The following DIP2B variants were observed in gnomAD, a reference collection of about 807,000 sequenced individuals.
DIP2B encodes DIP2 acetate--CoA ligase B (putative).
Under a neutral mutation model 198.0 loss-of-function variants are expected in DIP2B, and 76 were observed. The ratio of observed to expected loss-of-function variants is 0.38; its 90% CI spans 0.32 to 0.46. DIP2B has a LOEUF of 0.46. Ranked by LOEUF, DIP2B falls within the 20% of genes least tolerant of loss-of-function variation. The probability of loss-of-function intolerance (pLI) is 0.99; values close to 1 mark genes in which losing one functional copy is unlikely to be tolerated. For missense variants in DIP2B, 1,559 were observed against 1,978.4 expected (o/e 0.79, Z 4.02); for synonymous variants, 701 against 739.1 (o/e 0.95, Z 0.84).
intron 1 of DIP2B, among the ~76,000 whole-genome samples, chr12:50,554,094 CTA>C (rs1246466038): frequency 3.3e-5 from 5 of 152,132 alleles, no homozygotes; most frequent in Non-Finnish European, 7.3e-5. Flanking sequence ...CTTACCTCTT[CTA>C]CCCAATTTTC....
chr12:50,597,924 A>G (rs1565838852), intron 1 of DIP2B, among the ~76,000 whole-genome samples: 1 of 152,190 alleles, frequency 6.6e-6, no homozygotes, highest in Non-Finnish European at 1.5e-5. Context: ...TCAGTCTTTC[A>G]GATTTCCTTT....
intron 1 of DIP2B, among the ~76,000 whole-genome samples, chr12:50,565,857 GTCCTGTTAAC>G (rs1348009488): frequency 6.6e-6 from 1 of 152,138 alleles, no homozygotes; most frequent in Non-Finnish European, 1.5e-5. Flanking sequence ...CCCCTTTGGG[GTCCTGTTAAC>G]TGCTTAATCT....
At chr12:50,568,305 T>C (rs1856956090) in intron 1 of DIP2B, among the ~76,000 whole-genome samples, 1 of 152,248 alleles carries the variant, frequency 6.6e-6, no homozygotes, top group African/African-American at 2.4e-5. Flanking sequence ...TCCAGCTTTC[T>C]CCTGTTTGGT....
At chr12:50,520,272 G>A (rs1186473136) in intron 1 of DIP2B, among the ~76,000 whole-genome samples, 2 of 151,972 alleles carry the variant, frequency 1.3e-5, no homozygotes, top group African/African-American at 4.8e-5. Context: ...TCGTGACCTC[G>A]TGATCTGCCC....
chr12:50,612,413 T>A (rs1230852085), intron 1 of DIP2B, among the ~76,000 whole-genome samples: 1 of 151,388 alleles, frequency 6.6e-6, no homozygotes, highest in East Asian at 1.9e-4. Context: ...GAATTCTGAG[T>A]ATATTTTTCA....
chr12:50,666,433 A>G (rs1441153960), intron 4 of DIP2B, among the ~76,000 whole-genome samples: 1 of 152,194 alleles, frequency 6.6e-6, no homozygotes, highest in Non-Finnish European at 1.5e-5. Flanking sequence ...ATTATCTCCT[A>G]GAAAGATAGG....
At chr12:50,565,748 A>C (rs1341492608) in intron 1 of DIP2B, among the ~76,000 whole-genome samples, 2 of 152,176 alleles carry the variant, frequency 1.3e-5, no homozygotes, top group Non-Finnish European at 1.5e-5. Context: ...TTAAAAAGTC[A>C]ATGTAGTCCC....
intron 1 of DIP2B, among the ~76,000 whole-genome samples, chr12:50,560,003 A>G (rs1274372791): frequency 6.6e-6 from 1 of 152,056 alleles, no homozygotes; most frequent in Non-Finnish European, 1.5e-5. Context: ...TCAGCCAGGC[A>G]TGGTGGCTCA....
At chr12:50,670,280 C>A (rs757391424) in intron 4 of DIP2B, among the ~76,000 whole-genome samples, 14 of 152,216 alleles carry the variant, frequency 9.2e-5, no homozygotes, top group Non-Finnish European at 1.5e-4. Flanking sequence ...CTTCTCCTGT[C>A]ATGCTTGGAA....
intron 12 of DIP2B, among the ~76,000 whole-genome samples, chr12:50,690,829 C>CT (rs1939211056): frequency 1.3e-5 from 2 of 152,094 alleles, no homozygotes; most frequent in Non-Finnish European, 2.9e-5. Context: ...ACTTTGAAGT[C>CT]TTTTTCACAT....
intron 1 of DIP2B, among the ~76,000 whole-genome samples, chr12:50,598,104 G>A (rs557912514): frequency 1.2e-3 from 181 of 152,144 alleles, no homozygotes; most frequent in African/African-American, 4.0e-3. Context: ...CTTTAATGCC[G>A]TCAAGTCATT....
At chr12:50,631,069 A>G (rs1938042441) in intron 2 of DIP2B, among the ~76,000 whole-genome samples, 1 of 151,754 alleles carries the variant, frequency 6.6e-6, no homozygotes, top group South Asian at 2.1e-4. Context: ...GTTACTATCC[A>G]TTTCTTTACT....
intron 20 of DIP2B, 24 bp downstream of exon 20, chr12:50,704,244 T>G (rs745576344): frequency 6.2e-7 from 1 of 1,601,170 alleles, no homozygotes; most frequent in South Asian, 1.1e-5. Flanking sequence ...TCATGTTGAT[T>G]TTGTTACATT....
chr12:50,674,958 A>G (rs565666673), intron 6 of DIP2B, among the ~76,000 whole-genome samples: 1 of 152,294 alleles, frequency 6.6e-6, no homozygotes, highest in East Asian at 1.9e-4. Context: ...AGGTCAGGAG[A>G]TCGAGACCAT....
chr12:50,609,605 G>C (rs1959014224), intron 1 of DIP2B, among the ~76,000 whole-genome samples: 2 of 152,242 alleles, frequency 1.3e-5, no homozygotes, highest in Admixed American at 6.5e-5. Context: ...TTAAGAGCAA[G>C]ATCTGGAAGT....
At chr12:50,623,080 A>T (rs1355475068) in intron 1 of DIP2B, among the ~76,000 whole-genome samples, 1 of 152,138 alleles carries the variant, frequency 6.6e-6, no homozygotes, top group African/African-American at 2.4e-5. Context: ...TTTAAAAATC[A>T]AACTCTACTA....
chr12:50,678,032 C>G (rs1400251470), intron 7 of DIP2B, among the ~76,000 whole-genome samples: 1 of 150,828 alleles, frequency 6.6e-6, no homozygotes, highest in Non-Finnish European at 1.5e-5. Flanking sequence ...TGTGCTGTTT[C>G]AGCCAAGTCC....
At chr12:50,534,483 C>T (rs1958246696) in intron 1 of DIP2B, among the ~76,000 whole-genome samples, 1 of 144,360 alleles carries the variant, frequency 6.9e-6, no homozygotes, top group Non-Finnish European at 1.5e-5. Context: ...AGTGATTCTT[C>T]TGCCTCAGCC....
chr12:50,668,320 C>A (rs1592118715), intron 4 of DIP2B, among the ~76,000 whole-genome samples: 1 of 152,114 alleles, frequency 6.6e-6, no homozygotes, highest in African/African-American at 2.4e-5. Context: ...GTCAAATGGA[C>A]GAATAAGTAA....
Sources: allele counts gnomAD v4.1 joint callset (sites outside exome capture counted in the v4.1 genomes callset), GRCh38; gene constraint gnomAD v4.1.1; transcripts MANE v1.5; gene names NCBI Gene and HGNC (gene_info 2026-07-23, HGNC 2026-07-21).